CIB4: variants seen among roughly 807,000 people sequenced by gnomAD.
The protein encoded by CIB4 is calcium and integrin binding family member 4.
In CIB4, 25 loss-of-function variants were observed where a neutral mutation model predicts 25.8. The ratio of observed to expected loss-of-function variants is 0.97; its 90% CI spans 0.71 to 1.35. CIB4 has a LOEUF of 1.35. Among genes scored for constraint, CIB4 ranks in the 40% most tolerant of loss-of-function variants. The pLI is 0.00. For missense variants in CIB4, 235 were observed against 228.2 expected (o/e 1.03, Z -0.19); for synonymous variants, 75 against 81.4 (o/e 0.92, Z 0.42).
intron 3 of CIB4, among the ~76,000 whole-genome samples, chr2:26,603,772 C>T (rs1032320155): frequency 2.6e-5 from 4 of 151,838 alleles, no homozygotes; most frequent in African/African-American, 4.8e-5. Context: ...CTGAGGCAGG[C>T]AGATCACTTG....
At chr2:26,582,975 C>T (rs1294973658) in intron 5 of CIB4, 62 bp from the exon 6 acceptor site, 1 of 1,168,264 alleles carries the variant, frequency 8.6e-7, no homozygotes. Flanking sequence ...AGGTGGGGCA[C>T]AGGGTGGAGG....
chr2:26,601,228 A>AT (rs1668779043), intron 3 of CIB4, among the ~76,000 whole-genome samples: 2 of 79,750 alleles, frequency 2.5e-5, no homozygotes, highest in African/African-American at 1.2e-4. Flanking sequence ...AAAAAAAAAA[A>AT]AAAATATATA....
At chr2:26,582,999 G>A (rs1668377975) in intron 5 of CIB4, 86 bp from the exon 6 acceptor site, 2 of 840,136 alleles carry the variant, frequency 2.4e-6, no homozygotes, top group Admixed American at 1.8e-5. Flanking sequence ...AAAGCCACAT[G>A]CCAGGGGCTC....
intron 2 of CIB4, among the ~76,000 whole-genome samples, chr2:26,640,312 C>T (rs1669610469): frequency 6.6e-6 from 1 of 152,240 alleles, no homozygotes; most frequent in Non-Finnish European, 1.5e-5. Flanking sequence ...AAAAGGTTAG[C>T]AGCCTAAAGC....
intron 3 of CIB4, among the ~76,000 whole-genome samples, chr2:26,619,718 C>A (rs1467120904): frequency 6.6e-6 from 1 of 152,110 alleles, no homozygotes; most frequent in East Asian, 1.9e-4. Context: ...CCAAAGCCCA[C>A]AGCGGGGAAG....
intron 3 of CIB4, chr2:26,623,651 A>G: frequency 2.3e-6 from 1 of 437,568 alleles, no homozygotes; most frequent in African/African-American, 2.0e-5. Flanking sequence ...CTGCTCTGTA[A>G]CAGATGGAAT....
chr2:26,635,275 C>T (rs1294767412), intron 2 of CIB4, among the ~76,000 whole-genome samples: 1 of 152,146 alleles, frequency 6.6e-6, no homozygotes, highest in South Asian at 2.1e-4. Flanking sequence ...GGTGCTGGCT[C>T]CAAGACAAGT....
chr2:26,590,279 A>C (rs1179909877), intron 4 of CIB4, among the ~76,000 whole-genome samples: 1 of 151,492 alleles, frequency 6.6e-6, no homozygotes, highest in South Asian at 2.1e-4. Context: ...AAAAAAAAAA[A>C]AAAAACTCAC....
intron 3 of CIB4, among the ~76,000 whole-genome samples, chr2:26,601,318 T>C (rs904186182): frequency 6.0e-5 from 9 of 149,130 alleles, no homozygotes; most frequent in African/African-American, 2.2e-4. Flanking sequence ...TGTTCAAGGA[T>C]AGACAAATAG....
rs1395827334 is a variant in CIB4, at chr2:26,601,231, A to AAATAT, written c.187-5915_187-5914insATATT. Among the ~76,000 whole-genome samples the AAATAT allele has an allele frequency of 7.5e-4, 13 of 17,222 alleles. 1 individual carries two copies. The highest frequency in any genetic ancestry group is 1.9e-3 in the African/African-American group (13 of 6,696). 11.3% of individuals were successfully genotyped at this position (17,222 alleles called of 152,430 possible). On this transcript the variant is annotated intron_variant, in intron 3 of 6. Transcript: ENST00000288861. ...TGAGACCATGTCAAAAAAAAAAAAA[A>AAATAT]ATATATATATATATATATATATATA...
chr2:26,622,363 AAAATAATAATAAT>A (rs995048318), intron 3 of CIB4, among the ~76,000 whole-genome samples: 2 of 152,144 alleles, frequency 1.3e-5, no homozygotes, highest in African/African-American at 4.8e-5. Flanking sequence ...TCCATCTCAA[AAAATAATAATAAT>A]AAATAATAAT....
chr2:26,629,245 C>A (rs1049002979), intron 3 of CIB4, among the ~76,000 whole-genome samples, 165 bp downstream of exon 3: 8 of 152,102 alleles, frequency 5.3e-5, no homozygotes, highest in African/African-American at 1.9e-4. Context: ...TGTTTGGGAG[C>A]CATGTCCTTG....
chr2:26,592,383 G>A, intron 4 of CIB4, among the ~76,000 whole-genome samples: 1 of 152,246 alleles, frequency 6.6e-6, no homozygotes, highest in Non-Finnish European at 1.5e-5. Flanking sequence ...CTTGTGGTAA[G>A]GAAGGGGGAA....
intron 2 of CIB4, among the ~76,000 whole-genome samples, chr2:26,632,283 G>T (rs1229548153): frequency 1.3e-5 from 2 of 152,220 alleles, no homozygotes; most frequent in East Asian, 3.8e-4. Flanking sequence ...GGCCACGGAA[G>T]GGGCCTGAGC....
At chr2:26,618,575 C>T (rs1178672204) in intron 3 of CIB4, among the ~76,000 whole-genome samples, 1 of 152,192 alleles carries the variant, frequency 6.6e-6, no homozygotes, top group African/African-American at 2.4e-5. Context: ...AGTGGGATTG[C>T]AGGCATGGGC....
At chr2:26,607,965 C>T (rs529477966) in intron 3 of CIB4, among the ~76,000 whole-genome samples, 6 of 152,350 alleles carry the variant, frequency 3.9e-5, no homozygotes, top group African/African-American at 9.6e-5. Flanking sequence ...TGGCCGGGCG[C>T]GATGGCTCAC....
chr2:26,606,608 G>A (rs1572554426), intron 3 of CIB4, among the ~76,000 whole-genome samples: 1 of 152,162 alleles, frequency 6.6e-6, no homozygotes, highest in African/African-American at 2.4e-5. Flanking sequence ...GACTCTAGCT[G>A]GTTGGTATGA....
chr2:26,612,094 C>T (rs993921557), intron 3 of CIB4, among the ~76,000 whole-genome samples: 1 of 145,780 alleles, frequency 6.9e-6, no homozygotes, highest in African/African-American at 2.6e-5. Context: ...GCAAGCAAAA[C>T]AACTTTCCTT....
chr2:26,591,537 G>A (rs777330374), intron 4 of CIB4, among the ~76,000 whole-genome samples: 2 of 152,158 alleles, frequency 1.3e-5, no homozygotes, highest in Non-Finnish European at 2.9e-5. Context: ...CTTCCACCAT[G>A]GGCTCCATAG....
Sources: allele counts gnomAD v4.1 joint callset (sites outside exome capture counted in the v4.1 genomes callset), GRCh38; gene constraint gnomAD v4.1.1; transcripts MANE v1.5; gene names NCBI Gene and HGNC (gene_info 2026-07-23, HGNC 2026-07-21).